The following NR4A1 variants were observed in gnomAD, a reference collection of about 807,000 sequenced individuals.
NR4A1 encodes nuclear receptor subfamily 4 group A member 1, also known as nuclear receptor subfamily 4immunitygroup A member 1.
Under a neutral mutation model 47.5 loss-of-function variants are expected in NR4A1, and 24 were observed. The observed-to-expected ratio is 0.50, with a 90% CI of 0.37 to 0.71. The LOEUF (loss-of-function observed/expected upper bound fraction) is 0.71, where lower values mean the gene tolerates loss of function less well. NR4A1 is among the 30% of genes least tolerant of loss of function. The pLI is 0.00. For missense variants in NR4A1, 669 were observed against 788.6 expected (o/e 0.85, Z 1.82); for synonymous variants, 353 against 345.7 (o/e 1.02, Z -0.24).
Position 52,058,857 on chromosome 12 carries a change from G to A in NR4A1, c.1710G>A (p.Leu570=). The A allele has an allele frequency of 6.2e-7, 1 of 1,614,066 alleles. No individual in the cohort carries two copies. The highest frequency in any genetic ancestry group is 2.2e-5 in the East Asian group (1 of 44,882). The stretch of plus-strand genomic sequence containing the variant: ...TGCGGACCCTGTGCACCCAGGGCCT[G>A]CAGCGCATCTTCTACCTCAAGCTGG... ...PELRTLCTQG[L]QRIFYLKLED... The change falls in exon 7 of 7, where the codon CTG becomes CTA. Residue 570 remains leucine (L), a synonymous_variant. Coordinates refer to ENST00000394825, the MANE Select transcript of NR4A1 (RefSeq NM_173157.3).
chr12:52,037,096 A>T (rs955356192), intron 1 of NR4A1: 9 of 148,482 alleles, frequency 6.1e-5, no homozygotes, highest in African/African-American at 2.2e-4. Flanking sequence ...GATTCCGGAG[A>T]CGTCAATGGG....
intron 1 of NR4A1, among the ~76,000 whole-genome samples, chr12:52,040,394 T>G (rs891036333): frequency 6.6e-6 from 1 of 152,106 alleles, no homozygotes; most frequent in Non-Finnish European, 1.5e-5. Flanking sequence ...TGGCCCTCCC[T>G]ACCCTTCCTC....
intron 1 of NR4A1, chr12:52,053,568 A>ACCGACGAGGAGGCCTAGGTTC (rs1565650593): frequency 6.6e-6 from 1 of 151,714 alleles, no homozygotes; most frequent in East Asian, 1.9e-4. Context: ...GAGCCAGGTT[A>ACCGACGAGGAGGCCTAGGTTC]CCGATGAGGA....
At position 52,054,719 on chromosome 12, in the gene NR4A1, T is replaced by C. The variant is rs199679673; in HGVS notation, c.391T>C (p.Tyr131His). The C allele has an allele frequency of 1.1e-4, 174 of 1,613,482 alleles. No homozygotes were observed. Among genetic ancestry groups the C allele is most frequent in the Non-Finnish European group, 1.4e-4 (168 of 1,180,020 alleles). ...DEALSSSGSDYYGSPCSAPSP... is the reference protein window; with the variant it reads ...DEALSSSGSDHYGSPCSAPSP... ...GGCCCTGTCCTCCAGTGGCTCTGAC[T>C]ACTATGGCAGCCCCTGCTCGGCCCC... Residue 131 changes from tyrosine to histidine, a missense_variant, in exon 2 of 7, where the codon TAC becomes CAC. Coordinates refer to ENST00000394825, the MANE Select transcript of NR4A1 (RefSeq NM_173157.3).
At position 52,058,839 on chromosome 12, in the gene NR4A1, C is replaced by T; in HGVS notation, c.1692C>T (p.Thr564=). The T allele has an allele frequency of 6.2e-7, 1 of 1,614,048 alleles. No homozygotes were observed. Among genetic ancestry groups the T allele is most frequent in the Non-Finnish European group, 8.5e-7 (1 of 1,179,984 alleles). The change falls in exon 7 of 7, where the codon ACC becomes ACT. Residue 564 remains threonine (T), a synonymous_variant. Transcript: ENST00000394825. ...RLLGKLPELR[T]LCTQGLQRIF... ...TGGGCAAACTGCCCGAGCTGCGGAC[C>T]CTGTGCACCCAGGGCCTGCAGCGCA...
intron 1 of NR4A1, chr12:52,038,433 T>C (rs1370299576): frequency 2.8e-6 from 1 of 361,708 alleles, no homozygotes; most frequent in Non-Finnish European, 5.2e-6. Context: ...GCAGAGGTGG[T>C]TTATTTACAG....
chr12:52,026,063 T>A (rs1191465403), intron 1 of NR4A1, among the ~76,000 whole-genome samples: 1 of 152,212 alleles, frequency 6.6e-6, no homozygotes, highest in Non-Finnish European at 1.5e-5. Flanking sequence ...ACTGGTGGCT[T>A]GGACACACCC....
At chr12:52,027,930 G>A (rs1219476949) in intron 1 of NR4A1, among the ~76,000 whole-genome samples, 1 of 152,108 alleles carries the variant, frequency 6.6e-6, no homozygotes, top group East Asian at 1.9e-4. Flanking sequence ...GGTCAGGTGC[G>A]GTGGCTCACA....
chr12:52,026,110 T>C (rs1800399964), intron 1 of NR4A1, among the ~76,000 whole-genome samples: 2 of 152,216 alleles, frequency 1.3e-5, no homozygotes, highest in African/African-American at 4.8e-5. Flanking sequence ...TCACACCCTG[T>C]CCCGGGCTCT....
intron 1 of NR4A1, chr12:52,037,941 C>T (rs1938299554): frequency 4.6e-6 from 3 of 651,482 alleles, no homozygotes; most frequent in African/African-American, 2.5e-5. Flanking sequence ...GCCGCAACAT[C>T]TTCCTTATAC....
chr12:52,054,963 C>G lies in NR4A1; in HGVS notation c.635C>G (p.Ser212Ter). The G allele has an allele frequency of 6.2e-7, 1 of 1,614,210 alleles. No homozygotes were observed. Among genetic ancestry groups the G allele is most frequent in the Non-Finnish European group, 8.5e-7 (1 of 1,180,042 alleles). The change falls in exon 2 of 7, where the codon TCA becomes TGA. Residue 212 changes from serine (S) to a stop codon, truncating the protein, a stop_gained. Transcript: ENST00000394825. LOFTEE classifies it high-confidence loss of function. The part of the protein sequence containing the change: ...LAQSPLKLFP[S>*]QATHQLGEGE... The stretch of plus-strand genomic sequence containing the variant: ...CAGAGCCCCCTGAAGTTGTTCCCCT[C>G]ACAGGCCACCCACCAGCTGGGGGAG...
At chr12:52,026,163 G>C (rs1358116961) in intron 1 of NR4A1, among the ~76,000 whole-genome samples, 1 of 152,248 alleles carries the variant, frequency 6.6e-6, no homozygotes, top group Non-Finnish European at 1.5e-5. Flanking sequence ...TCGCTCACGC[G>C]TTTGCTGTGA....
intron 1 of NR4A1, chr12:52,052,337 CAG>C (rs1939026766): frequency 1.3e-5 from 2 of 149,936 alleles, no homozygotes; most frequent in South Asian, 2.2e-4. Flanking sequence ...GAAAGAGAGA[CAG>C]AGGTGGAAAC....
chr12:52,028,393 G>A (rs373905870), intron 1 of NR4A1, among the ~76,000 whole-genome samples: 1 of 151,132 alleles, frequency 6.6e-6, no homozygotes, highest in South Asian at 2.1e-4. Context: ...GGCCAACATA[G>A]TGAAACCCCG....
chr12:52,052,866 G>A (rs1411685222), intron 1 of NR4A1, among the ~76,000 whole-genome samples: 1 of 152,200 alleles, frequency 6.6e-6, no homozygotes, highest in African/African-American at 2.4e-5. Context: ...CCTCTCGCAG[G>A]GTGCTGCATG....
rs758807612 is a variant in NR4A1 at position 52,057,407 on chromosome 12, C to T, written c.1417C>T (p.Leu473=). Reference sequence around the variant, plus strand: ...CTGCTCAGGCCTGGTGCTACACCGGCTGCAGTGTGCCCGTGGCTTCGGGGA... The same window carrying T: ...CTGCTCAGGCCTGGTGCTACACCGGTTGCAGTGTGCCCGTGGCTTCGGGGA... ...IFCSGLVLHR[L]QCARGFGDWI... Residue 473 remains leucine (L), a synonymous_variant, in exon 6 of 7, where the codon CTG becomes TTG. Coordinates refer to ENST00000394825, the MANE Select transcript of NR4A1 (RefSeq NM_173157.3). The T allele has an allele frequency of 6.2e-7, 1 of 1,614,262 alleles. No individual in the cohort carries two copies. Among genetic ancestry groups the T allele is most frequent in the East Asian group, 2.2e-5 (1 of 44,886 alleles).
At position 52,058,561 on chromosome 12, in the gene NR4A1, C is replaced by T. The variant is rs3892095; in HGVS notation, c.1541-127C>T. The T allele has an allele frequency of 6.0e-5, 75 of 1,245,650 alleles. No individual in the cohort carries two copies. In the East Asian group the frequency reaches 9.9e-4, roughly 16 times the overall value. 77.2% of individuals were successfully genotyped at this position (1,245,650 alleles called of 1,614,324 possible). A position where few individuals can be genotyped will look rare whatever the true frequency, so the allele number is the denominator to read the frequency against. On this transcript the variant is annotated intron_variant, in intron 6 of 6. Coordinates refer to ENST00000394825, the MANE Select transcript of NR4A1 (RefSeq NM_173157.3). ...CTTACTAATGGCCAACATGTGAATG[C>T]GCTTTTGTGAAGTGCCAGCAGAGCA...
upstream of NR4A1, among the ~76,000 whole-genome samples, chr12:52,049,255 T>C (rs536766970): frequency 2.2e-4 from 34 of 152,270 alleles, no homozygotes; most frequent in South Asian, 7.0e-3. Flanking sequence ...GGTTTTTGGA[T>C]CCATGTTGGA....
chr12:52,051,603 A>G lies in NR4A1; in HGVS notation c.-3+35A>G, dbSNP rs1013778197. The G allele has an allele frequency of 3.1e-5, 31 of 985,240 alleles. No homozygotes were observed. In the African/African-American group the frequency reaches 5.2e-4, roughly 17 times the overall value. 61.0% of individuals were successfully genotyped at this position (985,240 alleles called of 1,614,324 possible). ...CTTCGGGGAACGTGCATCTGTTTTT[A>G]GGAGCGGTGCATGAAGGAGATGGGT... On this transcript the variant is annotated intron_variant, in intron 1 of 6. Transcript: ENST00000394825.
Sources: gnomAD v4.1 joint callset for allele counts (sites outside exome capture counted in the v4.1 genomes callset) on GRCh38, gnomAD v4.1.1 for gene constraint, MANE v1.5 for transcripts, NCBI Gene and HGNC (gene_info 2026-07-23, HGNC 2026-07-21) for gene names.